AKR1C8: variants seen among roughly 807,000 people sequenced by gnomAD.
The protein encoded by AKR1C8 is aldo-keto reductase family 1 member C-like protein 1.
the AKR1C8 span, among the ~76,000 whole-genome samples, chr10:5,161,053 GTA>G: frequency 1.3e-5 from 2 of 152,138 alleles, no homozygotes; most frequent in Non-Finnish European, 2.9e-5. Flanking sequence ...GTGCATGTGT[GTA>G]TATATATGTG....
the AKR1C8 span, chr10:5,155,012 G>A: frequency 1.3e-5 from 2 of 152,250 alleles, no homozygotes; most frequent in South Asian, 2.1e-4. Flanking sequence ...GCATTTGAGG[G>A]TCTATTAATC....
At chr10:5,179,535 G>A in the AKR1C8 span, among the ~76,000 whole-genome samples, 2 of 152,020 alleles carry the variant, frequency 1.3e-5, no homozygotes, top group Non-Finnish European at 2.9e-5. Context: ...TGCCTTGCTA[G>A]ATTGGAGAAG....
the AKR1C8 span, among the ~76,000 whole-genome samples, chr10:5,118,857 C>T: frequency 6.6e-6 from 1 of 152,066 alleles, no homozygotes; most frequent in Non-Finnish European, 1.5e-5. Context: ...CTTTCTATTA[C>T]TGGACAGTAA....
chr10:5,185,107 C>G, the AKR1C8 span: 62 of 534,594 alleles, frequency 1.2e-4, 1 homozygote, highest in South Asian at 8.7e-4. Flanking sequence ...GTCATCATCC[C>G]CAGCTAACCT....
the AKR1C8 span, among the ~76,000 whole-genome samples, chr10:5,173,791 GAT>G: frequency 6.6e-6 from 1 of 151,628 alleles, no homozygotes; most frequent in Non-Finnish European, 1.5e-5. Flanking sequence ...ACTAAAGATT[GAT>G]ATTGAAACTA....
the AKR1C8 span, chr10:5,155,224 T>C: frequency 6.6e-6 from 1 of 152,226 alleles, no homozygotes; most frequent in Non-Finnish European, 1.5e-5. Context: ...TTAAATTGTG[T>C]TTCCATTGCC....
the AKR1C8 span, among the ~76,000 whole-genome samples, chr10:5,177,651 T>G: frequency 6.6e-6 from 1 of 152,180 alleles, no homozygotes; most frequent in Admixed American, 6.5e-5. Context: ...TTGCCACAAT[T>G]TCAGAACCTG....
chr10:5,154,417 A>C, the AKR1C8 span: 1 of 238,506 alleles, frequency 4.2e-6, no homozygotes. Flanking sequence ...TTAGTAATTA[A>C]AATTACTGTT....
chr10:5,168,738 AAG>A, the AKR1C8 span, among the ~76,000 whole-genome samples: 1 of 152,152 alleles, frequency 6.6e-6, no homozygotes, highest in South Asian at 2.1e-4. Flanking sequence ...AAAAAGGGGA[AAG>A]AGAATGAAAA....
At chr10:5,118,455 C>A in the AKR1C8 span, among the ~76,000 whole-genome samples, 7 of 151,576 alleles carry the variant, frequency 4.6e-5, no homozygotes, top group African/African-American at 1.7e-4. Context: ...CAAGATAGGT[C>A]AGATAATTAT....
chr10:5,180,457 G>T, the AKR1C8 span, among the ~76,000 whole-genome samples: 1 of 152,134 alleles, frequency 6.6e-6, no homozygotes, highest in African/African-American at 2.4e-5. Context: ...CAGTCTGCCT[G>T]TTCTCAGAGC....
At chr10:5,158,799 T>C in the AKR1C8 span, 1 of 455,054 alleles carries the variant, frequency 2.2e-6, no homozygotes, top group Non-Finnish European at 4.5e-6. Flanking sequence ...TGTGTAATAC[T>C]ACATTAATAG....
chr10:5,166,532 T>C, the AKR1C8 span, among the ~76,000 whole-genome samples: 1 of 152,098 alleles, frequency 6.6e-6, no homozygotes, highest in Non-Finnish European at 1.5e-5. Flanking sequence ...AAACAAGAAA[T>C]GGGGAAATGA....
the AKR1C8 span, among the ~76,000 whole-genome samples, chr10:5,131,993 G>C: frequency 2.0e-5 from 3 of 152,238 alleles, no homozygotes; most frequent in East Asian, 5.8e-4. Flanking sequence ...ATCATAGAAT[G>C]GTGTATATGT....
the AKR1C8 span, among the ~76,000 whole-genome samples, chr10:5,119,630 A>C: frequency 6.6e-6 from 1 of 152,164 alleles, no homozygotes. Context: ...TTATTTCATA[A>C]AGTGAAGAAG....
At chr10:5,123,908 G>T in the AKR1C8 span, 1 of 1,312,550 alleles carries the variant, frequency 7.6e-7, no homozygotes, top group Non-Finnish European at 1.0e-6. Context: ...AAAAGGAGGT[G>T]AATAAATATG....
chr10:5,178,279 G>A, the AKR1C8 span, among the ~76,000 whole-genome samples: 1 of 152,302 alleles, frequency 6.6e-6, no homozygotes, highest in Admixed American at 6.5e-5. Flanking sequence ...TTTCCATGTA[G>A]TTGAGCAGTT....
the AKR1C8 span, among the ~76,000 whole-genome samples, chr10:5,141,762 T>G: frequency 6.6e-6 from 1 of 152,156 alleles, no homozygotes; most frequent in Non-Finnish European, 1.5e-5. Context: ...CTTTTTATTT[T>G]AAACAGTAGA....
chr10:5,174,914 A>T, the AKR1C8 span, among the ~76,000 whole-genome samples: 1 of 152,112 alleles, frequency 6.6e-6, no homozygotes. Flanking sequence ...TAAATTAAAA[A>T]ATATTACATG....
Sources: allele counts gnomAD v4.1 joint callset (sites outside exome capture counted in the v4.1 genomes callset), GRCh38; gene constraint gnomAD v4.1.1; transcripts MANE v1.5; gene names NCBI Gene and HGNC (gene_info 2026-07-23, HGNC 2026-07-21).